CLTCL1: variants seen among roughly 807,000 people sequenced by gnomAD.
CLTCL1 encodes the protein clathrin heavy chain like 1.
A neutral mutation model predicts 190.0 loss-of-function variants in CLTCL1; 159 were observed. The ratio of observed to expected loss-of-function variants is 0.84; its 90% confidence interval spans 0.74 to 0.95. CLTCL1 has a LOEUF of 0.95. Ranked by LOEUF, CLTCL1 falls within the 40% of genes least tolerant of loss-of-function variation. The pLI, the probability that CLTCL1 is intolerant of heterozygous loss-of-function variation, is 0.00. For synonymous variants in CLTCL1, 752 were observed against 769.6 expected, an observed-to-expected ratio of 0.98 and a Z score of 0.38; for missense variants, 1,878 against 2,033.4, an observed-to-expected ratio of 0.92 and a Z score of 1.47.
At chr22:19,224,884 T>C (rs1250244832) in intron 13 of CLTCL1, among the ~76,000 whole-genome samples, 1 of 152,180 alleles carries the variant, frequency 6.6e-6, no homozygotes, top group Non-Finnish European at 1.5e-5. Flanking sequence ...TTAGTCTCTA[T>C]CCTGGGTGGG....
At chr22:19,205,006 G>A (rs2085006742) in intron 22 of CLTCL1, among the ~76,000 whole-genome samples, 1 of 152,156 alleles carries the variant, frequency 6.6e-6, no homozygotes, top group East Asian at 1.9e-4. Context: ...ACCCAGAGGG[G>A]GATTGGGGGC....
At chr22:19,288,199 T>C (rs1432430960) in intron 1 of CLTCL1, among the ~76,000 whole-genome samples, 3 of 152,194 alleles carry the variant, frequency 2.0e-5, no homozygotes, top group African/African-American at 7.2e-5. Flanking sequence ...TAACCCTTAA[T>C]TTACTTAATA....
intron 1 of CLTCL1, among the ~76,000 whole-genome samples, chr22:19,291,157 C>T (rs1555993188): frequency 6.6e-6 from 1 of 152,248 alleles, no homozygotes; most frequent in African/African-American, 2.4e-5. Context: ...CACGCATGTT[C>T]ACGGTCCTCC....
chr22:19,188,433 C>T (rs1189985160), intron 27 of CLTCL1, among the ~76,000 whole-genome samples: 1 of 152,148 alleles, frequency 6.6e-6, no homozygotes, highest in Admixed American at 6.5e-5. Context: ...ATTATGTCTA[C>T]AAAAACACAG....
At chr22:19,271,807 C>T (rs552899905) in intron 2 of CLTCL1, among the ~76,000 whole-genome samples, 2 of 152,218 alleles carry the variant, frequency 1.3e-5, no homozygotes, top group Middle Eastern at 3.4e-3. Flanking sequence ...TTTACAACTC[C>T]TCATAAAAAC....
At chr22:19,226,430 C>T (rs782557309) in intron 11 of CLTCL1, 47 bp from the exon 12 acceptor site, 1 of 1,606,110 alleles carries the variant, frequency 6.2e-7, no homozygotes, top group South Asian at 1.1e-5. Context: ...ATGGCAATAA[C>T]TTTTTAAGAC....
Position 19,241,456 on chromosome 22 carries a change from T to C in CLTCL1, c.681+1319A>G, listed in dbSNP as rs5748065. Among the ~76,000 whole-genome samples, 1,432 of 152,344 alleles carry C rather than the reference T, an allele frequency of 9.4e-3. 35 individuals are homozygous for C. The highest frequency in any genetic ancestry group is 0.069 in the East Asian group (355 of 5,182). On this transcript the variant is annotated intron_variant, in intron 4 of 32. Transcript: ENST00000427926. ...TGACACGTGACCCGAGTCCTTTTCC[T>C]TCTGGCTCTCAAATGAGGAGGGCAT...
At chr22:19,278,845 G>T (rs145472915) in intron 1 of CLTCL1, among the ~76,000 whole-genome samples, 1 of 152,128 alleles carries the variant, frequency 6.6e-6, no homozygotes, top group Non-Finnish European at 1.5e-5. Context: ...GGGTTCAAGC[G>T]ATTCTCCAGC....
intron 2 of CLTCL1, among the ~76,000 whole-genome samples, chr22:19,269,382 C>T (rs2793055): frequency 0.062 from 9,407 of 151,914 alleles, 348 homozygotes; most frequent in Middle Eastern, 0.16. Context: ...CCTGGATGGG[C>T]GATAGAGTGA....
Position 19,221,397 on chromosome 22 carries a change from A to G in CLTCL1, c.2776T>C (p.Cys926Arg), listed in dbSNP as rs1555952156. The change falls in exon 17 of 33, where the codon TGT (cysteine) becomes CGT (arginine). Residue 926 changes from cysteine to arginine, a missense_variant. Cys to Arg is a radical substitution (Grantham distance 180). Transcript: ENST00000427926. ...CCCACCTTGATGAGCTCAAGGTCAC[A>G]CTGCCCCCGCTCATAGGCAACACAG... is the stretch of plus-strand genomic sequence containing the variant. ...LACVAYERGQ[C>R]DLELIKVCNE... is the part of the protein sequence containing the mutation. 2 of 1,553,528 alleles carry G rather than the reference A, an allele frequency of 1.3e-6. No individual in the cohort carries two copies. Among genetic ancestry groups the G allele is most frequent in the South Asian group, 1.2e-5 (1 of 84,134 alleles).
chr22:19,238,769 T>A (rs1385015931), intron 5 of CLTCL1: 2 of 152,802 alleles, frequency 1.3e-5, no homozygotes, highest in Non-Finnish European at 2.9e-5. Flanking sequence ...GAATGCCAGC[T>A]CAAAGGACTG....
At chr22:19,228,820 T>C (rs141912538) in intron 11 of CLTCL1, among the ~76,000 whole-genome samples, 1 of 152,334 alleles carries the variant, frequency 6.6e-6, no homozygotes, top group East Asian at 1.9e-4. Context: ...ACATGTGATT[T>C]GATTATACCT....
intron 5 of CLTCL1, chr22:19,238,778 T>G (rs573258417): frequency 6.5e-6 from 1 of 152,986 alleles, no homozygotes; most frequent in Admixed American, 6.5e-5. Flanking sequence ...CTCAAAGGAC[T>G]GTCCCTGGGA....
At chr22:19,208,059 C>G (rs782073585) in intron 22 of CLTCL1, 95 bp downstream of exon 22, 2 of 1,490,498 alleles carry the variant, frequency 1.3e-6, no homozygotes, top group Admixed American at 3.6e-5. Flanking sequence ...GAAACCAGTC[C>G]CTGGTGCCAA....
At chr22:19,188,647 C>T (rs201128972) in intron 27 of CLTCL1, among the ~76,000 whole-genome samples, 4 of 146,674 alleles carry the variant, frequency 2.7e-5, no homozygotes, top group Middle Eastern at 3.4e-3. Flanking sequence ...GAGTCTTGCT[C>T]GTCGCCCACA....
chr22:19,223,211 G>A (rs1269024600), intron 14 of CLTCL1, among the ~76,000 whole-genome samples: 1 of 152,094 alleles, frequency 6.6e-6, no homozygotes, highest in Non-Finnish European at 1.5e-5. Context: ...AGATGATGAT[G>A]GCACTTGGGT....
chr22:19,236,155 G>A (rs921216017), intron 5 of CLTCL1, among the ~76,000 whole-genome samples: 8 of 152,184 alleles, frequency 5.3e-5, no homozygotes, highest in Middle Eastern at 3.2e-3. Flanking sequence ...CTCAGGCCGA[G>A]AGATTACTGG....
chr22:19,179,977 G>A lies in CLTCL1; in HGVS notation c.*21-8C>T. 1 of 578,742 alleles carries A rather than the reference G, an allele frequency of 1.7e-6. No homozygotes were observed. The highest frequency in any genetic ancestry group is 3.1e-6 in the Non-Finnish European group (1 of 324,998). 35.9% of individuals were successfully genotyped at this position (578,742 alleles called of 1,614,324 possible). A position where few individuals can be genotyped will look rare whatever the true frequency, so the allele number is the denominator to read the frequency against. ...CTGGGCCCACGGCAGGGCCTGCAGA[G>A]GGGGAAGCCCACAATGAGCAGAGCT... On this transcript the variant is annotated splice_polypyrimidine_tract_variant and splice_region_variant and intron_variant, in intron 32 of 32. Coordinates refer to ENST00000427926, the MANE Select transcript of CLTCL1 (RefSeq NM_007098.4).
intron 3 of CLTCL1, among the ~76,000 whole-genome samples, chr22:19,244,704 T>C (rs782128515): frequency 1.3e-5 from 2 of 152,202 alleles, no homozygotes; most frequent in Non-Finnish European, 2.9e-5. Flanking sequence ...AGGCTACGTG[T>C]GTGGCCTTGG....
Sources: allele counts gnomAD v4.1 joint callset (sites outside exome capture counted in the v4.1 genomes callset), GRCh38; gene constraint gnomAD v4.1.1; transcripts MANE v1.5; gene names NCBI Gene and HGNC (gene_info 2026-07-23, HGNC 2026-07-21).